The following PGAP2 variants were observed in gnomAD, a reference collection of about 807,000 sequenced individuals.
The protein encoded by PGAP2 is acyltransferase PGAP2.
PGAP2 carries 21 observed loss-of-function variants against 33.2 expected under a neutral mutation model. The ratio of observed to expected loss-of-function variants is 0.63; its 90% CI spans 0.45 to 0.91. PGAP2 has a LOEUF of 0.91. PGAP2 is among the 40% of genes least tolerant of loss of function. The pLI is 0.00. For synonymous variants in PGAP2, 161 were observed against 172.9 expected (o/e 0.93, Z 0.54); for missense variants, 345 against 424.0 (o/e 0.81, Z 1.64).
intron 2 of PGAP2, among the ~76,000 whole-genome samples, chr11:3,815,318 T>C (rs1204738444): frequency 2.0e-5 from 3 of 151,500 alleles, no homozygotes; most frequent in Non-Finnish European, 1.5e-5. Context: ...TTCTTTTTTT[T>C]TTTTTCTTGA....
At chr11:3,824,851 A>T in intron 5 of PGAP2, 169 bp from the exon 6 acceptor site, 1 of 1,446,728 alleles carries the variant, frequency 6.9e-7, no homozygotes, top group Non-Finnish European at 9.0e-7. Context: ...AGAGGCAGGG[A>T]CGTGAACACA....
chr11:3,823,106 G>A (rs1046330226), intron 3 of PGAP2: 6 of 562,502 alleles, frequency 1.1e-5, no homozygotes, highest in Admixed American at 7.8e-5. Flanking sequence ...GCACAATCTC[G>A]GCTCACTGCA....
At chr11:3,816,679 A>G (rs2087098871) in intron 2 of PGAP2, among the ~76,000 whole-genome samples, 1 of 152,130 alleles carries the variant, frequency 6.6e-6, no homozygotes, top group Non-Finnish European at 1.5e-5. Flanking sequence ...GGATCAGGGT[A>G]CCGCTGGCCT....
chr11:3,808,664 A>G lies in PGAP2; in HGVS notation c.-11+13A>G. The G allele has an allele frequency of 8.4e-7, 1 of 1,192,354 alleles. No individual in the cohort carries two copies. 73.9% of individuals were successfully genotyped at this position (1,192,354 alleles called of 1,614,324 possible). A position where few individuals can be genotyped will look rare whatever the true frequency, so the allele number is the denominator to read the frequency against. ...CACCACCGCGTGGGTGAGTATGGGC[A>G]TGGATGTGCTGGGCTGCCGGGCAGC... On this transcript the variant is annotated intron_variant, in intron 1 of 6. Transcript: ENST00000278243.
intron 3 of PGAP2, chr11:3,823,141 GTTC>G (rs1331163092): frequency 2.6e-5 from 14 of 532,538 alleles, no homozygotes; most frequent in African/African-American, 4.2e-5. Flanking sequence ...GGTTCACACA[GTTC>G]TTCTGATCAG....
In PGAP2 at chr11:3,817,392, T is replaced by G; in HGVS notation, c.205T>G (p.Leu69Val). The change falls in exon 3 of 7, where the codon TTG becomes GTG. Residue 69 changes from leucine (L) to valine (V), a missense_variant. This residue lies in a region of PGAP2 where 311 missense variants were observed against 353.6 expected (regional missense o/e 0.88). Transcript: ENST00000278243. ...GATGTTCTCTGCGGCCTCCCAGCCT[T>G]TGGACCCCGATGGGACCTTGTTCCG... is the stretch of plus-strand genomic sequence containing the variant. ...CRMFSAASQP[L>V]DPDGTLFRLR... 8 of 1,613,288 alleles carry G rather than the reference T, an allele frequency of 5.0e-6. No homozygotes were observed. The highest frequency in any genetic ancestry group is 6.8e-6 in the Non-Finnish European group (8 of 1,179,208).
chr11:3,797,971 C>G, exon 1 of PGAP2: 1 of 1,547,030 alleles, frequency 6.5e-7, no homozygotes, highest in Non-Finnish European at 8.7e-7. Context: ...GGGACGGCCC[C>G]AGAATGGCAT....
chr11:3,824,937 G>A (rs2089742975), intron 5 of PGAP2, 83 bp from the exon 6 acceptor site: 33 of 1,589,422 alleles, frequency 2.1e-5, no homozygotes, highest in Non-Finnish European at 2.8e-5. Context: ...ATAAGGCCCA[G>A]CCCTTAGGAG....
chr11:3,825,335 C>T lies in PGAP2; in HGVS notation c.825C>T (p.Thr275=). 6.2e-7 allele frequency: 1 copy of T among 1,613,592 alleles called. No individual in the cohort carries two copies. The highest frequency in any genetic ancestry group is 8.5e-7 in the Non-Finnish European group (1 of 1,179,726). The stretch of plus-strand genomic sequence containing the variant: ...CTTGTGTCCTCACAACAGTGTACAC[C>T]ATCTTTGCCATCCTGGAGTACACTG... ...HNMYCEAGVY[T]IFAILEYTVV... is the part of the protein sequence containing the mutation. Residue 275 remains threonine, a synonymous_variant, in exon 7 of 7, where the codon ACC becomes ACT. Coordinates refer to ENST00000278243, the MANE Select transcript of PGAP2 (RefSeq NM_014489.4).
At chr11:3,808,363 A>G (rs998548870), upstream of PGAP2, 1 of 1,550,320 alleles carries the variant, frequency 6.5e-7, no homozygotes. Context: ...TCAGGTATCC[A>G]GAGCTCTTCC....
intron 2 of PGAP2, among the ~76,000 whole-genome samples, chr11:3,815,734 G>A (rs1172271342): frequency 1.3e-5 from 2 of 152,218 alleles, no homozygotes; most frequent in African/African-American, 4.8e-5. Context: ...CTGGCTGTTA[G>A]ACCTCTGTTG....
upstream of PGAP2, chr11:3,808,383 C>T (rs926961274): frequency 3.9e-6 from 6 of 1,546,292 alleles, no homozygotes; most frequent in African/African-American, 5.5e-5. Flanking sequence ...CGGCTGCCCT[C>T]ACGCAGCCGA....
chr11:3,822,154 G>T (rs1238942216), intron 3 of PGAP2, among the ~76,000 whole-genome samples: 2 of 151,774 alleles, frequency 1.3e-5, no homozygotes, highest in South Asian at 2.1e-4. Context: ...CACGAGGTCA[G>T]GAGATTGAGA....
chr11:3,820,090 G>A lies in PGAP2; in HGVS notation c.348+2555G>A, dbSNP rs1294089079. ...TCTCCCAGTCAAGCTTTAGATGGTG[G>A]TCCTGTTTTCCTTAAAGTAGCTGAG... On this transcript the variant is annotated intron_variant, in intron 3 of 6. Transcript: ENST00000278243. Among the ~76,000 whole-genome samples, 5 of 152,236 alleles carry A rather than the reference G, an allele frequency of 3.3e-5. No homozygotes were observed. The East Asian group carries it at 7.7e-4, about 24-fold the overall frequency.
Position 3,814,203 on chromosome 11 carries a change from G to A in PGAP2, c.165+2779G>A, listed in dbSNP as rs377512330. Among the ~76,000 whole-genome samples, 7 of 152,274 alleles carry A rather than the reference G, an allele frequency of 4.6e-5. 1 individual carries two copies. The East Asian group carries it at 5.8e-4, about 13-fold the overall frequency. On this transcript the variant is annotated intron_variant, in intron 2 of 6. Coordinates refer to ENST00000278243, the MANE Select transcript of PGAP2 (RefSeq NM_014489.4). ...GATGGGGAGCTTCCTTCCTCCCCAGGTAGCCTGTTCTAAGGAAGCTTAATA... is the reference window on the plus strand; with the variant it reads ...GATGGGGAGCTTCCTTCCTCCCCAGATAGCCTGTTCTAAGGAAGCTTAATA...
intron 1 of PGAP2, chr11:3,798,126 G>C (rs1047868107): frequency 3.5e-5 from 51 of 1,457,012 alleles, no homozygotes; most frequent in African/African-American, 5.8e-5. Flanking sequence ...GAGTTTGCCC[G>C]AGGCTTCTTC....
intron 1 of PGAP2, chr11:3,798,177 T>A: frequency 7.4e-7 from 1 of 1,355,512 alleles, no homozygotes; most frequent in Non-Finnish European, 9.5e-7. Flanking sequence ...TGACCCATGC[T>A]CGCCCCAGCA....
At chr11:3,820,533 G>A (rs576041216) in intron 3 of PGAP2, among the ~76,000 whole-genome samples, 43 of 152,240 alleles carry the variant, frequency 2.8e-4, no homozygotes, top group Non-Finnish European at 5.3e-4. Context: ...GAGGCCAGGC[G>A]TCTGTAATCC....
chr11:3,799,966 T>TG (rs1435015397), intron 1 of PGAP2, among the ~76,000 whole-genome samples: 1 of 151,808 alleles, frequency 6.6e-6, no homozygotes, highest in Non-Finnish European at 1.5e-5. Context: ...AGCCTCCGAC[T>TG]GGGGGAAAAA....
Sources: gnomAD v4.1 joint callset for allele counts (sites outside exome capture counted in the v4.1 genomes callset) on GRCh38, gnomAD v4.1.1 for gene constraint, gnomAD v4.1.1 regional missense constraint, MANE v1.5 for transcripts, NCBI Gene and HGNC (gene_info 2026-07-23, HGNC 2026-07-21) for gene names.